BIN2: variants seen among roughly 807,000 people sequenced by gnomAD.
The protein encoded by BIN2 is bridging integrator 2, also known as breast cancer associated protein BRAP1.
A neutral mutation model predicts 67.9 loss-of-function variants in BIN2; 43 were observed. That is an observed-to-expected ratio of 0.63 (90% CI 0.50 to 0.82). BIN2 has a LOEUF of 0.82. BIN2 is among the 40% of genes least tolerant of loss of function. The probability of loss-of-function intolerance (pLI) is 0.00; values close to 1 mark genes in which losing one functional copy is unlikely to be tolerated. For synonymous variants in BIN2, 244 were observed against 246.8 expected (o/e 0.99, Z 0.11); for missense variants, 581 against 671.6 (o/e 0.87, Z 1.49).
At chr12:51,299,518 T>A in intron 6 of BIN2, 89 bp downstream of exon 6, 1 of 1,195,754 alleles carries the variant, frequency 8.4e-7, no homozygotes, top group East Asian at 2.3e-5. Context: ...TAATTTCCTA[T>A]ACCCATGTTG....
intron 5 of BIN2, 92 bp from the exon 6 acceptor site, chr12:51,299,806 G>A (rs2137391132): frequency 9.3e-7 from 1 of 1,074,870 alleles, no homozygotes; most frequent in Non-Finnish European, 1.4e-6. Flanking sequence ...CAAGATTCTT[G>A]CATCCTACTA....
Position 51,302,790 on chromosome 12 carries a change from G to T in BIN2, c.218-10C>A. The T allele has an allele frequency of 6.3e-7, 1 of 1,597,638 alleles. No homozygotes were observed. Among genetic ancestry groups the T allele is most frequent in the South Asian group, 1.1e-5 (1 of 90,736 alleles). The stretch of plus-strand genomic sequence containing the variant: ...GAACTTTCATGCATCACTGAAAGGA[G>T]AGAATTCAGTCCCACCATCATGTTT... On this transcript the variant is annotated splice_polypyrimidine_tract_variant and intron_variant, in intron 3 of 12. Transcript: ENST00000615107.
Position 51,299,225 on chromosome 12 carries a change from C to T in BIN2, c.580G>A (p.Glu194Lys). Residue 194 changes from glutamate (E) to lysine (K), a missense_variant, in exon 7 of 13, where the codon GAG (glutamate) becomes AAG (lysine). By Grantham distance (56) the Glu-to-Lys change is moderately conservative (BLOSUM62 1). Coordinates refer to ENST00000615107, the MANE Select transcript of BIN2 (RefSeq NM_016293.4). ...FEDLNQELLE[E>K]LPILYNSRIG... ...TACCTATTATAAAGAATAGGCAGCT[C>T]CTCTAGTAGTTCTTGGTTCAGATCT... The T allele has an allele frequency of 1.2e-6, 2 of 1,613,408 alleles. No homozygotes were observed. Among genetic ancestry groups the T allele is most frequent in the African/African-American group, 1.3e-5 (1 of 75,016 alleles).
chr12:51,315,772 C>T (rs1473866227), intron 1 of BIN2, among the ~76,000 whole-genome samples: 4 of 152,188 alleles, frequency 2.6e-5, no homozygotes, highest in African/African-American at 4.8e-5. Context: ...TCTATCACCT[C>T]TCAACTAGAA....
chr12:51,311,123 G>T (rs1446942453), intron 2 of BIN2, among the ~76,000 whole-genome samples: 43 of 149,762 alleles, frequency 2.9e-4, no homozygotes, highest in Admixed American at 2.5e-3. Flanking sequence ...TTGAGACAGG[G>T]TCTTGCTCTG....
rs1270547933 is a variant in BIN2, at chr12:51,291,648, G to A, written c.1458C>T (p.Asn486=). ...GTTCTTCAGGGTTCTGATTGTGGAT[G>A]TTTTCATTTTCTTTGGCCTCAGGAG... The part of the protein sequence containing the change: ...VRTPEAKENE[N]IHNQNPEELC... Residue 486 remains asparagine, a synonymous_variant, in exon 10 of 13, where the codon AAC becomes AAT. Coordinates refer to ENST00000615107, the MANE Select transcript of BIN2 (RefSeq NM_016293.4). 2.4e-5 allele frequency: 38 copies of A among 1,613,366 alleles called. No individual in the cohort carries two copies. Among genetic ancestry groups the A allele is most frequent in the Non-Finnish European group, 3.2e-5 (38 of 1,179,774 alleles).
rs116799886 is a variant in BIN2, at chr12:51,320,162, G to A, written c.81+3860C>T. 9.5e-3 allele frequency among the ~76,000 whole-genome samples: 1,438 copies of A among 152,088 alleles called. 31 individuals carry two copies. Among genetic ancestry groups the A allele is most frequent in the African/African-American group, 0.033 (1,358 of 41,474 alleles). ...ACTAGGCTAATTTTTGTATTTTTTGGTAGAGATGGGATTTCGCCACATTGG... is the reference window on the plus strand; with the variant it reads ...ACTAGGCTAATTTTTGTATTTTTTGATAGAGATGGGATTTCGCCACATTGG... On this transcript the variant is annotated intron_variant, in intron 1 of 12. Transcript: ENST00000615107.
At chr12:51,305,465 A>G (rs2137408309) in intron 2 of BIN2, among the ~76,000 whole-genome samples, 1 of 151,896 alleles carries the variant, frequency 6.6e-6, no homozygotes, top group African/African-American at 2.4e-5. Context: ...CCCTACTAAA[A>G]ATACAAAAAT....
At position 51,288,207 on chromosome 12, in the gene BIN2, A is replaced by G. The variant is rs1167441169; in HGVS notation, c.1516-19T>C. The G allele has an allele frequency of 6.2e-7, 1 of 1,607,748 alleles. No individual in the cohort carries two copies. On this transcript the variant is annotated intron_variant, in intron 10 of 12. Coordinates refer to ENST00000615107, the MANE Select transcript of BIN2 (RefSeq NM_016293.4). ...AAGCAACCTGTGAATCAAAGTGAAC[A>G]ATGGAGGAGAGAGTCCCACACCTTC...
At chr12:51,319,984 T>C (rs1191275894) in intron 1 of BIN2, among the ~76,000 whole-genome samples, 1 of 152,144 alleles carries the variant, frequency 6.6e-6, no homozygotes, top group Non-Finnish European at 1.5e-5. Context: ...CTTTTCTCCC[T>C]CTCTTTCTTT....
At chr12:51,295,639 A>C (rs1945545723) in intron 9 of BIN2, among the ~76,000 whole-genome samples, 157 bp downstream of exon 9, 1 of 141,566 alleles carries the variant, frequency 7.1e-6, no homozygotes, top group African/African-American at 2.6e-5. Flanking sequence ...TATTTAGTAA[A>C]AAGCAAAATA....
chr12:51,321,135 TG>T (rs1946268852), intron 1 of BIN2, among the ~76,000 whole-genome samples: 1 of 151,640 alleles, frequency 6.6e-6, no homozygotes, highest in Non-Finnish European at 1.5e-5. Context: ...GCTCTGTTCC[TG>T]AGAGAGGATC....
chr12:51,319,464 C>T (rs1946214213), intron 1 of BIN2, among the ~76,000 whole-genome samples: 1 of 152,220 alleles, frequency 6.6e-6, no homozygotes, highest in Non-Finnish European at 1.5e-5. Flanking sequence ...ACAGGGTGTA[C>T]AGATGCTAAA....
chr12:51,313,808 T>C lies in BIN2; in HGVS notation c.162+15A>G. Reference sequence around the variant, plus strand: ...TTTCTTCTTCCAAGCTTCCCTCCCCTACCCTCCAGATTACCTGTTGTTGGT... The same window carrying C: ...TTTCTTCTTCCAAGCTTCCCTCCCCCACCCTCCAGATTACCTGTTGTTGGT... On this transcript the variant is annotated intron_variant, in intron 2 of 12. Transcript: ENST00000615107. 1.2e-6 allele frequency: 2 copies of C among 1,606,264 alleles called. No individual in the cohort carries two copies.
rs375869534 is a variant in BIN2, at chr12:51,302,819, C to T, written c.218-39G>A. 24 of 1,536,838 alleles carry T rather than the reference C, an allele frequency of 1.6e-5. No individual in the cohort carries two copies. In the African/African-American group the frequency reaches 3.0e-4, roughly 19 times the overall value. ...ATTCAGTCCCACCATCATGTTTCCC[C>T]AACAGTAGTTGGTGTAATCACATGG... On this transcript the variant is annotated intron_variant, in intron 3 of 12. Transcript: ENST00000615107.
At chr12:51,310,656 T>C (rs61172662) in intron 2 of BIN2, among the ~76,000 whole-genome samples, 1 of 152,164 alleles carries the variant, frequency 6.6e-6, no homozygotes, top group Non-Finnish European at 1.5e-5. Flanking sequence ...ATTGTGGATA[T>C]ACTTAGATAT....
chr12:51,316,872 C>T (rs772949503), intron 1 of BIN2, among the ~76,000 whole-genome samples: 13 of 151,796 alleles, frequency 8.6e-5, no homozygotes, highest in East Asian at 7.7e-4. Flanking sequence ...ACTACTACTA[C>T]TATTATTATT....
rs1024125104 is a variant in BIN2, at chr12:51,302,986, T to C, written c.217+101A>G. The C allele has an allele frequency of 5.0e-6, 7 of 1,394,324 alleles. No homozygotes were observed. The African/African-American group carries it at 8.6e-5, about 17-fold the overall frequency. 86.4% of individuals were successfully genotyped at this position (1,394,324 alleles called of 1,614,324 possible). A position where few individuals can be genotyped will look rare whatever the true frequency, so the allele number is the denominator to read the frequency against. On this transcript the variant is annotated intron_variant, in intron 3 of 12. Coordinates refer to ENST00000615107, the MANE Select transcript of BIN2 (RefSeq NM_016293.4). ...CCAGGAGTCAAGAGTAGTCAAATGATAAAATGACAAAAACCTGGGGGTATG... is the reference window on the plus strand; with the variant it reads ...CCAGGAGTCAAGAGTAGTCAAATGACAAAATGACAAAAACCTGGGGGTATG...
chr12:51,298,486 T>C (rs1250440551), intron 7 of BIN2, among the ~76,000 whole-genome samples: 1 of 151,840 alleles, frequency 6.6e-6, no homozygotes, highest in African/African-American at 2.4e-5. Flanking sequence ...CCGGGAGGCA[T>C]AGGTTACAGT....
Sources: allele counts gnomAD v4.1 joint callset (sites outside exome capture counted in the v4.1 genomes callset), GRCh38; gene constraint gnomAD v4.1.1; transcripts MANE v1.5; gene names NCBI Gene and HGNC (gene_info 2026-07-23, HGNC 2026-07-21).